The following PLCB3 variants were observed in gnomAD, a reference collection of about 807,000 sequenced individuals.
PLCB3 encodes the protein phospholipase C beta 3, also known as 1-phosphatidylinositol 4,5-bisphosphate phosphodiesterase beta-3.
A neutral mutation model predicts 152.1 loss-of-function variants in PLCB3; 54 were observed. The observed-to-expected ratio is 0.36, with a 90% CI of 0.29 to 0.45. The LOEUF (loss-of-function observed/expected upper bound fraction) is 0.45, where lower values mean the gene tolerates loss of function less well. Among genes scored for constraint, PLCB3 ranks in the 20% least tolerant of loss-of-function variants. The probability of loss-of-function intolerance (pLI) is 1.00; values close to 1 mark genes in which losing one functional copy is unlikely to be tolerated. For missense variants in PLCB3, 1,248 were observed against 1,687.5 expected (o/e 0.74, Z 4.56); for synonymous variants, 717 against 698.7 (o/e 1.03, Z -0.41).
At chr11:64,268,485 T>G (rs2135073434), downstream of PLCB3, 1 of 152,108 alleles carries the variant, frequency 6.6e-6, no homozygotes, top group African/African-American at 2.4e-5. Context: ...GTGAGGGAGA[T>G]GTTATGCCTG....
In PLCB3 at chr11:64,255,100, C is replaced by G; in HGVS notation, c.387+62C>G. The G allele has an allele frequency of 1.3e-6, 2 of 1,561,244 alleles. No individual in the cohort carries two copies. ...GTCTTATTCTGTGAGTCGGCCGTCA[C>G]TTACCGAACACCTGCTGTGTTCTAG... On this transcript the variant is annotated intron_variant, in intron 4 of 30. Transcript: ENST00000279230. The surrounding 1 kb of genome is among the most constrained non-coding windows in gnomAD (Gnocchi z 6.8).
At chr11:64,257,905 G>C (rs552870677) in intron 10 of PLCB3, among the ~76,000 whole-genome samples, 8 of 152,140 alleles carry the variant, frequency 5.3e-5, no homozygotes, top group Non-Finnish European at 1.2e-4. Context: ...TGTAATCCCA[G>C]AACTTTGAAA....
Position 64,262,744 on chromosome 11 carries a change from C to T in PLCB3, c.2291C>T (p.Thr764Ile). The change falls in exon 19 of 31, where the codon ACC becomes ATC. Residue 764 changes from threonine to isoleucine, a missense_variant. Around this residue, in one of 6 missense-constraint regions of PLCB3, gnomAD observed 244 missense variants for 424.4 expected, o/e 0.57. Coordinates refer to ENST00000279230, the MANE Select transcript of PLCB3 (RefSeq NM_000932.5). ...GTTGATACGCGGCGCAAGTACCGCA[C>T]CCGGACCTCTCAGGGGAACTCGTTC... is the stretch of plus-strand genomic sequence containing the variant. ...LPVDTRRKYR[T>I]RTSQGNSFNP... 1.2e-6 allele frequency: 2 copies of T among 1,613,868 alleles called. No individual in the cohort carries two copies.
At chr11:64,253,211 G>A (rs1389137154) in intron 1 of PLCB3, among the ~76,000 whole-genome samples, 1 of 152,216 alleles carries the variant, frequency 6.6e-6, no homozygotes, top group Admixed American at 6.5e-5. Context: ...CAGGAGCCGG[G>A]AGCCTGGCAG....
Position 64,255,451 on chromosome 11 carries a change from T to C in PLCB3, c.521+2T>C. On this transcript the variant is annotated splice_donor_variant, in intron 6 of 30. Transcript: ENST00000279230. LOFTEE classifies it high-confidence loss of function. The surrounding 1 kb of genome is among the most constrained non-coding windows in gnomAD (Gnocchi z 6.8). ...GGATGGTCGGATCCCCGTCAAGAAG[T>C]GAGCACCCCTTCCCCCAGCACCTTC... is the stretch of plus-strand genomic sequence containing the variant. 6.2e-7 allele frequency: 1 copy of C among 1,614,086 alleles called. No homozygotes were observed. The highest frequency in any genetic ancestry group is 8.5e-7 in the Non-Finnish European group (1 of 1,179,986).
At chr11:64,254,556 C>A (rs2031415181) in intron 2 of PLCB3, 64 bp downstream of exon 2, 1 of 1,525,802 alleles carries the variant, frequency 6.6e-7, no homozygotes, top group East Asian at 2.2e-5. Context: ...CCCTGCCCTG[C>A]CCGTGGGGGT....
In PLCB3 at chr11:64,261,460, G is replaced by A; in HGVS notation, c.1792G>A (p.Glu598Lys). 3 of 1,614,126 alleles carry A rather than the reference G, an allele frequency of 1.9e-6. No individual in the cohort carries two copies. Among genetic ancestry groups the A allele is most frequent in the South Asian group, 1.1e-5 (1 of 91,080 alleles). ...EEMSTLVNYIEPVKFKSFEAA... is the reference protein window; with the variant it reads ...EEMSTLVNYIKPVKFKSFEAA... The stretch of plus-strand genomic sequence containing the variant: ...GATGTCCACGCTTGTCAACTACATC[G>A]AACCTGTCAAGTTCAAGTCCTTTGA... Residue 598 changes from glutamate (E) to lysine (K), a missense_variant, in exon 15 of 31, where the codon GAA (glutamate) becomes AAA (lysine). Glu to Lys is a moderately conservative substitution (Grantham distance 56, BLOSUM62 1). Around this residue, in one of 6 missense-constraint regions of PLCB3, gnomAD observed 244 missense variants for 424.4 expected, o/e 0.57. Coordinates refer to ENST00000279230, the MANE Select transcript of PLCB3 (RefSeq NM_000932.5).
Position 64,266,459 on chromosome 11 carries a change from C to G in PLCB3, c.3357-36C>G. The G allele has an allele frequency of 6.2e-7, 1 of 1,608,874 alleles. No homozygotes were observed. Among genetic ancestry groups the G allele is most frequent in the Non-Finnish European group, 8.5e-7 (1 of 1,175,414 alleles). ...GGTACTGGGGAGGCAGGGCAGGTGT[C>G]TGGGCCCCGAGCCATCCTGCGTTGC... is the stretch of plus-strand genomic sequence containing the variant. On this transcript the variant is annotated intron_variant, in intron 28 of 30. Coordinates refer to ENST00000279230, the MANE Select transcript of PLCB3 (RefSeq NM_000932.5). This position sits in a 1 kb window ranked among gnomAD's most constrained non-coding sequence, Gnocchi z 4.9.
At chr11:64,257,917 G>A (rs373473905) in intron 10 of PLCB3, among the ~76,000 whole-genome samples, 15 of 152,242 alleles carry the variant, frequency 9.9e-5, no homozygotes, top group African/African-American at 3.6e-4. Flanking sequence ...ACTTTGAAAG[G>A]CTGAGGCGTG....
rs773608732 is a variant in PLCB3 at position 64,254,503 on chromosome 11, G to T, written c.177+11G>T. The stretch of plus-strand genomic sequence containing the variant: ...ACGGGCCCCAACATGGTGAGGGTGG[G>T]CGCTGGTGCAGCTCGCTCAGGCCAA... On this transcript the variant is annotated intron_variant, in intron 2 of 30. Coordinates refer to ENST00000279230, the MANE Select transcript of PLCB3 (RefSeq NM_000932.5). 6.2e-7 allele frequency: 1 copy of T among 1,612,728 alleles called. No individual in the cohort carries two copies. The highest frequency in any genetic ancestry group is 1.1e-5 in the South Asian group (1 of 91,066).
chr11:64,254,100 T>G (rs2031383047), intron 1 of PLCB3, among the ~76,000 whole-genome samples: 2 of 151,184 alleles, frequency 1.3e-5, no homozygotes, highest in African/African-American at 2.4e-5. Context: ...ATTTCACGGG[T>G]GGAGAAGGAA....
intron 19 of PLCB3, 105 bp downstream of exon 19, chr11:64,262,913 G>A (rs1260712768): frequency 1.6e-6 from 2 of 1,222,372 alleles, no homozygotes; most frequent in Admixed American, 1.9e-5. Context: ...GGCGACTGGG[G>A]ATCAGAAAGT....
rs1013750320 is a variant in PLCB3, at chr11:64,254,758, C to T, written c.188C>T (p.Thr63Ile). 1.9e-6 allele frequency: 3 copies of T among 1,612,956 alleles called. No individual in the cohort carries two copies. Among genetic ancestry groups the T allele is most frequent in the African/African-American group, 1.3e-5 (1 of 74,922 alleles). The change falls in exon 3 of 31, where the codon ACA (threonine) becomes ATA (isoleucine). Residue 63 changes from threonine to isoleucine, a missense_variant. By Grantham distance (89) the Thr-to-Ile change is moderately conservative. Transcript: ENST00000279230. ...TCTGGTTCCCCCCAGGAGGTGGACA[C>T]ACTGGACATCAGTTCCATCAGGGAC... The part of the protein sequence containing the change: ...YWTGPNMEVD[T>I]LDISSIRDTR...
chr11:64,264,099 T>C lies in PLCB3; in HGVS notation c.2639T>C (p.Ile880Thr), dbSNP rs200263631. 286 of 1,539,300 alleles carry C rather than the reference T, an allele frequency of 1.9e-4. 1 individual carries two copies. The highest frequency in any genetic ancestry group is 7.2e-4 in the Admixed American group (34 of 47,284). ...AGGGCCCGGCAGCTGGCCGCCCTCA[T>C]TGGGGAGAGTGAGGTGAGCCGGGGC... ...DQRARQLAAL[I>T]GESEAQAGQE... Residue 880 changes from isoleucine to threonine, a missense_variant, in exon 22 of 31, where the codon ATT (isoleucine) becomes ACT (threonine). Transcript: ENST00000279230.
intron 1 of PLCB3, 66 bp downstream of exon 1, chr11:64,251,814 T>TGGGGTG: frequency 1.0e-6 from 1 of 976,290 alleles, no homozygotes; most frequent in Non-Finnish European, 1.4e-6. Flanking sequence ...GACCAGACGC[T>TGGGGTG]GGGGACCCCC....
Position 64,265,489 on chromosome 11 carries a change from C to T in PLCB3, c.3022C>T (p.Arg1008Trp), listed in dbSNP as rs746102181. The T allele has an allele frequency of 3.7e-6, 6 of 1,600,084 alleles. No individual in the cohort carries two copies. The highest frequency in any genetic ancestry group is 1.1e-5 in the South Asian group (1 of 90,614). ...ACAGGCTGAGGGCAGGTGCCGGCTG[C>T]GGCCAGGTGCCCTGTGAGTGTCTGG... ...QAQAEGRCRLRPGALGGAADV... is the reference protein window; with the variant it reads ...QAQAEGRCRLWPGALGGAADV... The change falls in exon 25 of 31, where the codon CGG (arginine) becomes TGG (tryptophan). Residue 1008 changes from arginine (R) to tryptophan (W), a missense_variant. Coordinates refer to ENST00000279230, the MANE Select transcript of PLCB3 (RefSeq NM_000932.5).
chr11:64,267,144 C>T lies in PLCB3; in HGVS notation c.3415-41C>T. On this transcript the variant is annotated intron_variant, in intron 29 of 30. Transcript: ENST00000279230. This position sits in a 1 kb window ranked among gnomAD's most constrained non-coding sequence, Gnocchi z 5.2. Reference sequence around the variant, plus strand: ...CCAGAGCCTCGAGGCTCTAGCCCCTCCCTCAGGGCCCCTCAGCTGAGCCCT... The same window carrying T: ...CCAGAGCCTCGAGGCTCTAGCCCCTTCCTCAGGGCCCCTCAGCTGAGCCCT... 2.6e-6 allele frequency: 4 copies of T among 1,529,672 alleles called. No homozygotes were observed. Among genetic ancestry groups the T allele is most frequent in the Non-Finnish European group, 3.5e-6 (4 of 1,129,522 alleles). The allele number at this position is 1,529,672 out of a possible 1,614,324, so 94.8% of individuals were successfully genotyped here.
chr11:64,262,092 C>T lies in PLCB3; in HGVS notation c.2038+16C>T, dbSNP rs1341823637. 2 of 1,613,946 alleles carry T rather than the reference C, an allele frequency of 1.2e-6. No homozygotes were observed. Among genetic ancestry groups the T allele is most frequent in the East Asian group, 4.5e-5 (2 of 44,880 alleles). Reference sequence around the variant, plus strand: ...CAGACCCTCGGTGAGCCCTGGCCCCCTCCATCTTGACCCCGACCCTCAGTC... The same window carrying T: ...CAGACCCTCGGTGAGCCCTGGCCCCTTCCATCTTGACCCCGACCCTCAGTC... On this transcript the variant is annotated intron_variant, in intron 17 of 30. Coordinates refer to ENST00000279230, the MANE Select transcript of PLCB3 (RefSeq NM_000932.5).
At position 64,265,187 on chromosome 11, in the gene PLCB3, C is replaced by T. The variant is rs1392113609; in HGVS notation, c.2807-5C>T. 1 of 1,594,460 alleles carries T rather than the reference C, an allele frequency of 6.3e-7. No individual in the cohort carries two copies. The highest frequency in any genetic ancestry group is 8.5e-7 in the Non-Finnish European group (1 of 1,169,634). ...CCAGCTCCTCACAGGGCCTCTGCTC[C>T]CCAGGGCAGCGTGATGATCTCATCG... On this transcript the variant is annotated splice_polypyrimidine_tract_variant and splice_region_variant and intron_variant, in intron 23 of 30. Coordinates refer to ENST00000279230, the MANE Select transcript of PLCB3 (RefSeq NM_000932.5).
Sources: allele counts gnomAD v4.1 joint callset (sites outside exome capture counted in the v4.1 genomes callset), GRCh38; gene constraint gnomAD v4.1.1; regional missense constraint gnomAD v4.1.1; non-coding constraint Gnocchi (gnomAD v3.1); transcripts MANE v1.5; gene names NCBI Gene and HGNC (gene_info 2026-07-23, HGNC 2026-07-21).